PDE10A: variants seen among roughly 807,000 people sequenced by gnomAD.
PDE10A encodes the protein cAMP and cAMP-inhibited cGMP 3',5'-cyclic phosphodiesterase 10A.
Under a neutral mutation model 97.7 loss-of-function variants are expected in PDE10A, and 39 were observed. That is an observed-to-expected ratio of 0.40 (90% CI 0.31 to 0.52). PDE10A has a LOEUF of 0.52. PDE10A is among the 20% of genes least tolerant of loss of function. The pLI, the probability that PDE10A is intolerant of heterozygous loss-of-function variation, is 0.56. For missense variants in PDE10A, 731 were observed against 1,047.8 expected (o/e 0.70, Z 4.17); for synonymous variants, 371 against 376.8 (o/e 0.98, Z 0.18).
chr6:165,717,746 C>T (rs879733864), intron 1 of PDE10A, among the ~76,000 whole-genome samples: 1 of 152,208 alleles, frequency 6.6e-6, no homozygotes. Flanking sequence ...TACATTCCCA[C>T]CAGCAATGCA....
At chr6:165,533,383 C>T (rs1782896909) in intron 2 of PDE10A, among the ~76,000 whole-genome samples, 1 of 152,130 alleles carries the variant, frequency 6.6e-6, no homozygotes, top group Non-Finnish European at 1.5e-5. Context: ...GTCTATCTCT[C>T]CCAGGCTCCA....
At chr6:165,621,810 C>A (rs1457726064) in intron 1 of PDE10A, among the ~76,000 whole-genome samples, 2 of 151,472 alleles carry the variant, frequency 1.3e-5, no homozygotes, top group South Asian at 2.1e-4. Flanking sequence ...ACATAAAGGA[C>A]CAAATCCTTG....
rs555447563 is a variant in PDE10A at position 165,714,846 on chromosome 6, C to G, written c.-614-171278G>C. Among the ~76,000 whole-genome samples, 554 of 152,362 alleles carry G rather than the reference C, an allele frequency of 3.6e-3. 4 individuals are homozygous for G. Among genetic ancestry groups the G allele is most frequent in the African/African-American group, 0.012 (514 of 41,590 alleles). ...GTGGCCCAGTCCCAACCCACAGCGA[C>G]AGAAGAACCTGTTGAACCTGGGGAC... On this transcript the variant is annotated intron_variant, in intron 1 of 19. Transcript: ENST00000366882.
At chr6:165,587,449 A>G (rs1201921417) in intron 1 of PDE10A, among the ~76,000 whole-genome samples, 1 of 152,186 alleles carries the variant, frequency 6.6e-6, no homozygotes, top group African/African-American at 2.4e-5. Flanking sequence ...AGATGGGGGT[A>G]AGTTATTTTT....
chr6:165,894,382 A>G (rs1781884888), intron 1 of PDE10A: 2 of 456,000 alleles, frequency 4.4e-6, no homozygotes, highest in Non-Finnish European at 8.8e-6. Flanking sequence ...AGGCCAGAAC[A>G]CTTGGCTGAA....
intron 1 of PDE10A, among the ~76,000 whole-genome samples, chr6:165,765,865 A>C (rs1162243320): frequency 8.1e-6 from 1 of 122,798 alleles, no homozygotes; most frequent in Non-Finnish European, 1.7e-5. Flanking sequence ...AAGATCTACA[A>C]AAGTTTAGAT....
At chr6:165,867,183 A>G (rs1781078960) in intron 1 of PDE10A, among the ~76,000 whole-genome samples, 1 of 151,726 alleles carries the variant, frequency 6.6e-6, no homozygotes, top group Admixed American at 6.6e-5. Context: ...AGAACACCAT[A>G]AATGTAAATG....
chr6:165,626,097 G>A (rs955756082), intron 1 of PDE10A, among the ~76,000 whole-genome samples: 21 of 152,104 alleles, frequency 1.4e-4, no homozygotes, highest in African/African-American at 5.1e-4. Context: ...ACTCAAGAAG[G>A]GTCCTGGGGA....
chr6:165,910,124 G>A (rs1005014443), intron 1 of PDE10A, among the ~76,000 whole-genome samples: 2 of 152,306 alleles, frequency 1.3e-5, no homozygotes, highest in Non-Finnish European at 1.5e-5. Context: ...TAAACTAGAT[G>A]CTCAGTAAAC....
At chr6:165,591,338 A>AAC (rs1481135044) in intron 1 of PDE10A, among the ~76,000 whole-genome samples, 1 of 152,232 alleles carries the variant, frequency 6.6e-6, no homozygotes, top group Admixed American at 6.5e-5. Context: ...ATTCTTTGAA[A>AAC]ACAGAAACTG....
At chr6:165,744,850 G>A (rs1792808836) in intron 1 of PDE10A, among the ~76,000 whole-genome samples, 1 of 113,932 alleles carries the variant, frequency 8.8e-6, no homozygotes, top group African/African-American at 6.0e-5. Flanking sequence ...AACCAGTACT[G>A]CTTAAAAAAA....
intron 1 of PDE10A, chr6:165,948,782 C>T (rs754619068): frequency 4.6e-5 from 7 of 152,450 alleles, no homozygotes; most frequent in Admixed American, 2.6e-4. Flanking sequence ...GCAGAGGGGA[C>T]TTCCGCCTTG....
At chr6:165,339,494 G>C in intron 19 of PDE10A, 136 bp from the exon 20 acceptor site, 1 of 619,976 alleles carries the variant, frequency 1.6e-6, no homozygotes, top group Non-Finnish European at 2.8e-6. Flanking sequence ...CCCAAGAAAA[G>C]TACATCAAAA....
chr6:165,512,265 G>A (rs1409211073), intron 2 of PDE10A, among the ~76,000 whole-genome samples: 1 of 151,788 alleles, frequency 6.6e-6, no homozygotes, highest in Non-Finnish European at 1.5e-5. Context: ...GGACTTCCTT[G>A]AACATTTCTT....
At chr6:165,889,905 TCCTCCCTC>T (rs1562784237) in intron 1 of PDE10A, among the ~76,000 whole-genome samples, 3 of 31,896 alleles carry the variant, frequency 9.4e-5, no homozygotes, top group Admixed American at 4.0e-4. Context: ...CCTCCCTCCC[TCCTCCCTC>T]CCTCACTCCT....
intron 1 of PDE10A, among the ~76,000 whole-genome samples, chr6:165,601,743 G>A (rs844157): frequency 0.55 from 84,207 of 151,942 alleles, 23,504 homozygotes; most frequent in Middle Eastern, 0.68. Flanking sequence ...ATTTGCTCTT[G>A]GGTACATTAA....
chr6:165,353,271 C>G (rs568924676), intron 18 of PDE10A, among the ~76,000 whole-genome samples: 44 of 152,184 alleles, frequency 2.9e-4, no homozygotes, highest in Non-Finnish European at 6.0e-4. Flanking sequence ...GGAAAAGAGT[C>G]TGGTATATTT....
At chr6:165,537,746 T>A (rs775188370) in intron 2 of PDE10A, among the ~76,000 whole-genome samples, 8 of 151,840 alleles carry the variant, frequency 5.3e-5, no homozygotes, top group Non-Finnish European at 1.0e-4. Context: ...ATCAAGACAT[T>A]CAACACATTT....
intron 18 of PDE10A, among the ~76,000 whole-genome samples, chr6:165,363,517 A>AAG (rs1783558772): frequency 6.6e-6 from 1 of 151,988 alleles, no homozygotes; most frequent in Non-Finnish European, 1.5e-5. Context: ...CTCTGTCTCA[A>AAG]AAAAGAAAAA....
Sources: allele counts gnomAD v4.1 joint callset (sites outside exome capture counted in the v4.1 genomes callset), GRCh38; gene constraint gnomAD v4.1.1; transcripts MANE v1.5; gene names NCBI Gene and HGNC (gene_info 2026-07-23, HGNC 2026-07-21).